Variants in RIMS3 observed in about 807,000 individuals in gnomAD.
The protein encoded by RIMS3 is regulating synaptic membrane exocytosis protein 3.
A neutral mutation model predicts 29.2 loss-of-function variants in RIMS3; 15 were observed. That is an observed-to-expected ratio of 0.51 (90% CI 0.34 to 0.79). The LOEUF is 0.79. Ranked by LOEUF, RIMS3 falls within the 30% of genes least tolerant of loss-of-function variation. The probability of loss-of-function intolerance (pLI) is 0.01; values close to 1 mark genes in which losing one functional copy is unlikely to be tolerated. For missense variants in RIMS3, 342 were observed against 421.4 expected (o/e 0.81, Z 1.65); for synonymous variants, 161 against 170.1 (o/e 0.95, Z 0.41).
At position 40,654,203 on chromosome 1, in the gene RIMS3, C is replaced by G. The variant is rs1235945148; in HGVS notation, c.-206-6361G>C. On this transcript the variant is annotated intron_variant, in intron 1 of 7. Transcript: ENST00000372684. This position sits in a 1 kb window ranked among gnomAD's most constrained non-coding sequence, Gnocchi z 5.3. ...CCCCGCGCCGCTGACGAGGCCGGAT[C>G]AATATTTCATGGGGGGAAGGGGCTC... 6.7e-6 allele frequency among the ~76,000 whole-genome samples: 1 copy of G among 148,998 alleles called. No homozygotes were observed. Among genetic ancestry groups the G allele is most frequent in the Non-Finnish European group, 1.5e-5 (1 of 66,902 alleles).
At chr1:40,677,567 G>A in the RIMS3 span, among the ~76,000 whole-genome samples, 116 of 151,948 alleles carry the variant, frequency 7.6e-4, 1 homozygote, top group African/African-American at 2.3e-3. Flanking sequence ...GCATGGTGGC[G>A]GGCGCCCGTA....
intron 1 of RIMS3, among the ~76,000 whole-genome samples, chr1:40,648,509 C>A (rs1439150416): frequency 6.6e-6 from 1 of 152,240 alleles, no homozygotes; most frequent in Non-Finnish European, 1.5e-5. Context: ...CCTAATGCTC[C>A]TCATCTCTAA....
At chr1:40,633,259 C>T (rs1044887621) in intron 4 of RIMS3, 78 bp from the exon 5 acceptor site, 1 of 1,190,996 alleles carries the variant, frequency 8.4e-7, no homozygotes, top group South Asian at 1.3e-5. Context: ...GGCTGCCATG[C>T]TCTGGCCCTG....
the RIMS3 span, among the ~76,000 whole-genome samples, chr1:40,684,015 T>C: frequency 6.6e-6 from 1 of 152,186 alleles, no homozygotes; most frequent in African/African-American, 2.4e-5. Flanking sequence ...CCCCTTTCCA[T>C]AATGATACTT....
At chr1:40,659,889 C>T (rs1257861838) in intron 1 of RIMS3, among the ~76,000 whole-genome samples, 3 of 152,268 alleles carry the variant, frequency 2.0e-5, no homozygotes, top group African/African-American at 4.8e-5. Flanking sequence ...CACAGGGCCT[C>T]GGAGACTGCG....
At chr1:40,665,359 G>T (rs1453428623) in intron 1 of RIMS3, 35 bp downstream of exon 1, 1 of 145,302 alleles carries the variant, frequency 6.9e-6, no homozygotes, top group Non-Finnish European at 1.5e-5. Flanking sequence ...CCCTCCCCAC[G>T]TCCACTCCCA....
chr1:40,676,279 T>C, the RIMS3 span, among the ~76,000 whole-genome samples: 1 of 152,136 alleles, frequency 6.6e-6, no homozygotes, highest in East Asian at 1.9e-4. Context: ...TCTAAAGTCC[T>C]CTCCAGGTCA....
chr1:40,691,970 C>T, the RIMS3 span: 31 of 308,894 alleles, frequency 1.0e-4, no homozygotes, highest in African/African-American at 6.5e-4. Context: ...CTTCCTCGCG[C>T]GGCCGCTGCT....
intron 2 of RIMS3, among the ~76,000 whole-genome samples, chr1:40,646,769 C>T (rs1250354142): frequency 3.9e-5 from 6 of 152,138 alleles, no homozygotes; most frequent in Non-Finnish European, 8.8e-5. Flanking sequence ...GGTCTCAGTA[C>T]CCTAAAAGGG....
chr1:40,678,348 C>T, the RIMS3 span, among the ~76,000 whole-genome samples: 95 of 152,290 alleles, frequency 6.2e-4, no homozygotes, highest in African/African-American at 2.2e-3. Context: ...GTGGAGGTTG[C>T]GGTGAGCTGA....
chr1:40,632,960 T>C, intron 5 of RIMS3, 109 bp downstream of exon 5: 1 of 844,232 alleles, frequency 1.2e-6, no homozygotes, highest in South Asian at 1.3e-5. Context: ...ATCACAGAAT[T>C]GGTGATAGAA....
In RIMS3 at chr1:40,628,843, G is replaced by A; in HGVS notation, c.681C>T (p.Leu227=). ...TCDPLYQQAL[L]FDEGPQGKVL... ...CCTTGCCCTGGGGTCCCTCGTCAAA[G>A]AGCAGAGCCTGCTGGTACAGGGGAT... The change falls in exon 7 of 8, where the codon CTC becomes CTT. Residue 227 remains leucine (L), a synonymous_variant. Coordinates refer to ENST00000372684, the MANE Select transcript of RIMS3 (RefSeq NM_014747.3). 6.2e-7 allele frequency: 1 copy of A among 1,614,180 alleles called. No homozygotes were observed.
chr1:40,677,889 G>A, the RIMS3 span, among the ~76,000 whole-genome samples: 1 of 152,096 alleles, frequency 6.6e-6, no homozygotes, highest in Non-Finnish European at 1.5e-5. Flanking sequence ...ATCTTAACCT[G>A]TACCCTCTAC....
intron 1 of RIMS3, among the ~76,000 whole-genome samples, chr1:40,652,685 G>C (rs748307337): frequency 2.6e-5 from 4 of 152,232 alleles, no homozygotes; most frequent in African/African-American, 9.6e-5. Context: ...TAGGCTGGGA[G>C]CAGCCAGTGC....
chr1:40,632,944 C>A (rs1646498478), intron 5 of RIMS3, 125 bp downstream of exon 5: 1 of 802,160 alleles, frequency 1.2e-6, no homozygotes, highest in African/African-American at 1.7e-5. Flanking sequence ...AAGTGACTTG[C>A]TTAAGATCAC....
intron 1 of RIMS3, among the ~76,000 whole-genome samples, chr1:40,657,533 C>G (rs1319596077): frequency 6.6e-6 from 1 of 152,082 alleles, no homozygotes; most frequent in African/African-American, 2.4e-5. Flanking sequence ...ATTGCTTGAG[C>G]CCAGGAGTTG....
intron 5 of RIMS3, among the ~76,000 whole-genome samples, chr1:40,632,631 T>C (rs1054053749): frequency 3.0e-4 from 46 of 151,856 alleles, no homozygotes; most frequent in Non-Finnish European, 8.8e-5. Flanking sequence ...TGGAATTTTT[T>C]TTCCCTGAAT....
intron 1 of RIMS3, among the ~76,000 whole-genome samples, chr1:40,649,011 T>C (rs1345187417): frequency 6.6e-6 from 1 of 152,208 alleles, no homozygotes; most frequent in East Asian, 1.9e-4. Context: ...TAGTCTCTCC[T>C]GTCCCCACTC....
At chr1:40,637,102 T>G (rs929263329) in intron 3 of RIMS3, among the ~76,000 whole-genome samples, 1 of 151,854 alleles carries the variant, frequency 6.6e-6, no homozygotes, top group Non-Finnish European at 1.5e-5. Flanking sequence ...GAATTAACAG[T>G]GGAGTTGCCT....
Sources: allele counts gnomAD v4.1 joint callset (sites outside exome capture counted in the v4.1 genomes callset), GRCh38; gene constraint gnomAD v4.1.1; non-coding constraint Gnocchi (gnomAD v3.1); transcripts MANE v1.5; gene names NCBI Gene and HGNC (gene_info 2026-07-23, HGNC 2026-07-21).